Variants in OPCML observed in about 807,000 individuals in gnomAD.
OPCML encodes the protein opioid-binding protein/cell adhesion molecule.
OPCML carries 13 observed loss-of-function variants against 37.8 expected under a neutral mutation model. The observed-to-expected ratio is 0.34, with a 90% CI of 0.22 to 0.55. The LOEUF (loss-of-function observed/expected upper bound fraction) is 0.55, where lower values mean the gene tolerates loss of function less well. Among genes scored for constraint, OPCML ranks in the 20% least tolerant of loss-of-function variants. The pLI is 0.91. For missense variants in OPCML, 341 were observed against 435.6 expected (o/e 0.78, Z 1.93); for synonymous variants, 176 against 168.8 (o/e 1.04, Z -0.33).
At chr11:132,603,216 G>A (rs567443028) in intron 3 of OPCML, among the ~76,000 whole-genome samples, 1 of 152,118 alleles carries the variant, frequency 6.6e-6, no homozygotes, top group African/African-American at 2.4e-5. Context: ...TCACATGTCT[G>A]CCAGTGATCT....
intron 1 of OPCML, among the ~76,000 whole-genome samples, chr11:133,457,215 G>A (rs1339182117): frequency 6.6e-6 from 1 of 152,088 alleles, no homozygotes; most frequent in Non-Finnish European, 1.5e-5. Flanking sequence ...TATTTAAGAT[G>A]CTAAACGTTT....
intron 2 of OPCML, among the ~76,000 whole-genome samples, chr11:132,913,187 T>A (rs922562434): frequency 1.5e-4 from 23 of 152,380 alleles, no homozygotes; most frequent in African/African-American, 5.5e-4. Flanking sequence ...GGCAACATTA[T>A]GAGATTTTAT....
intron 2 of OPCML, among the ~76,000 whole-genome samples, chr11:132,667,495 C>A (rs1199240871): frequency 1.3e-5 from 2 of 152,128 alleles, no homozygotes; most frequent in African/African-American, 2.4e-5. Flanking sequence ...TGAGAATGAT[C>A]TTATCAATGG....
chr11:133,388,109 G>A (rs1006314259), intron 1 of OPCML, among the ~76,000 whole-genome samples: 4 of 152,126 alleles, frequency 2.6e-5, no homozygotes, highest in Non-Finnish European at 5.9e-5. Context: ...CCCTTAGAGG[G>A]CCGCTGCCAG....
chr11:133,133,960 G>A (rs1410992892), intron 1 of OPCML, among the ~76,000 whole-genome samples: 1 of 152,120 alleles, frequency 6.6e-6, no homozygotes, highest in Non-Finnish European at 1.5e-5. Context: ...ACGGGACAAA[G>A]CACCTTACTA....
intron 2 of OPCML, among the ~76,000 whole-genome samples, chr11:132,922,485 G>C (rs1475731104): frequency 6.6e-6 from 1 of 151,982 alleles, no homozygotes; most frequent in Non-Finnish European, 1.5e-5. Flanking sequence ...GCGGGAAGAC[G>C]GAGCACCGAG....
chr11:132,580,789 G>A (rs10894587), intron 3 of OPCML, among the ~76,000 whole-genome samples: 27 of 152,032 alleles, frequency 1.8e-4, no homozygotes, highest in African/African-American at 5.5e-4. Context: ...AGTTAAACAT[G>A]GTCCTTGTAT....
rs761928819 is a variant in OPCML at position 133,211,140 on chromosome 11, A to C, written c.62-268130T>G. On this transcript the variant is annotated intron_variant, in intron 1 of 7. Coordinates refer to ENST00000524381, the MANE Select transcript of OPCML (RefSeq NM_001012393.5). This position sits in a 1 kb window ranked among gnomAD's most constrained non-coding sequence, Gnocchi z 4.1. ...GCTTTCTAATCATTCGTGATTGATGAGCCTGCCAGAAGGAATCAAATATTT... is the reference window on the plus strand; with the variant it reads ...GCTTTCTAATCATTCGTGATTGATGCGCCTGCCAGAAGGAATCAAATATTT... Among the ~76,000 whole-genome samples, 3 of 152,208 alleles carry C rather than the reference A, an allele frequency of 2.0e-5. No individual in the cohort carries two copies. Among genetic ancestry groups the C allele is most frequent in the Non-Finnish European group, 4.4e-5 (3 of 68,044 alleles).
intron 3 of OPCML, among the ~76,000 whole-genome samples, chr11:132,615,554 A>G (rs1938955086): frequency 6.6e-6 from 1 of 152,228 alleles, no homozygotes; most frequent in Non-Finnish European, 1.5e-5. Context: ...AAACTACAGC[A>G]TAACAACTAT....
chr11:133,322,385 C>A (rs1401748512), intron 1 of OPCML, among the ~76,000 whole-genome samples: 1 of 152,158 alleles, frequency 6.6e-6, no homozygotes, highest in Non-Finnish European at 1.5e-5. Context: ...TGTTTTAATG[C>A]CATTTTTCAG....
chr11:132,931,161 A>C (rs866573964), intron 2 of OPCML, among the ~76,000 whole-genome samples: 4 of 151,940 alleles, frequency 2.6e-5, no homozygotes, highest in East Asian at 3.9e-4. Context: ...CAAAAAAAAA[A>C]CCCTCAAAAT....
rs1946396380 is a variant in OPCML at position 133,443,027 on chromosome 11, C to CAAT, written c.61+89234_61+89236dup. Among the ~76,000 whole-genome samples, 4 of 152,004 alleles carry CAAT rather than the reference C, an allele frequency of 2.6e-5. No homozygotes were observed. The South Asian group carries it at 8.3e-4, about 32-fold the overall frequency. ...TCATGTAATATTTGTGAAATGAAAA[C>CAAT]AATAATAATAAAAGAAAGATACAAA... On this transcript the variant is annotated intron_variant, in intron 1 of 7. Coordinates refer to ENST00000524381, the MANE Select transcript of OPCML (RefSeq NM_001012393.5).
Position 133,532,356 on chromosome 11 carries a change from T to G in OPCML, c.-32A>C. 6.2e-7 allele frequency: 1 copy of G among 1,608,418 alleles called. No homozygotes were observed. Among genetic ancestry groups the G allele is most frequent in the South Asian group, 1.1e-5 (1 of 89,920 alleles). On this transcript the variant is annotated 5_prime_UTR_variant, in exon 1 of 8. Coordinates refer to ENST00000524381, the MANE Select transcript of OPCML (RefSeq NM_001012393.5). ...GCTGCGGTGCTCTCAGCTGCCGGGC[T>G]TGCTACTGCTTCTGCTGCTGCTACC...
intron 1 of OPCML, among the ~76,000 whole-genome samples, chr11:132,961,981 G>A (rs766579287): frequency 7.9e-5 from 12 of 152,118 alleles, no homozygotes; most frequent in East Asian, 1.9e-4. Flanking sequence ...TCTATCCTCC[G>A]TACTGTAATC....
chr11:132,520,711 T>C (rs1318155519), intron 4 of OPCML, among the ~76,000 whole-genome samples: 1 of 151,670 alleles, frequency 6.6e-6, no homozygotes, highest in Admixed American at 6.6e-5. Context: ...TGTATGCATA[T>C]AGTATTATAT....
chr11:132,786,698 T>A (rs906657933), intron 2 of OPCML, among the ~76,000 whole-genome samples: 1 of 150,770 alleles, frequency 6.6e-6, no homozygotes, highest in Non-Finnish European at 1.5e-5. Context: ...TGTAGGTGTT[T>A]AAAAAAAAAA....
chr11:132,941,244 G>C (rs1430347980), intron 2 of OPCML, among the ~76,000 whole-genome samples: 1 of 152,170 alleles, frequency 6.6e-6, no homozygotes, highest in Non-Finnish European at 1.5e-5. Context: ...TCTGCTGGTG[G>C]AATAGTCTTA....
intron 1 of OPCML, among the ~76,000 whole-genome samples, chr11:133,445,569 T>C (rs1345364527): frequency 6.6e-6 from 1 of 152,222 alleles, no homozygotes; most frequent in African/African-American, 2.4e-5. Context: ...TGTTGCTGTT[T>C]CCACACCTTG....
In OPCML at chr11:133,408,904, A is replaced by G. The variant is rs190061187; in HGVS notation, c.61+123360T>C. On this transcript the variant is annotated intron_variant, in intron 1 of 7. Coordinates refer to ENST00000524381, the MANE Select transcript of OPCML (RefSeq NM_001012393.5). ...TCTGGGGATTAGACACTTTAGTTCAATCGTCTCTCTTACAATTGAATAAGC... is the reference window on the plus strand; with the variant it reads ...TCTGGGGATTAGACACTTTAGTTCAGTCGTCTCTCTTACAATTGAATAAGC... 9.3e-4 allele frequency among the ~76,000 whole-genome samples: 141 copies of G among 152,352 alleles called. 2 individuals are homozygous for G. Among genetic ancestry groups the G allele is most frequent in the South Asian group, 4.6e-3 (22 of 4,824 alleles).
Sources: gnomAD v4.1 joint callset for allele counts (sites outside exome capture counted in the v4.1 genomes callset) on GRCh38, gnomAD v4.1.1 for gene constraint, Gnocchi (gnomAD v3.1) non-coding constraint, MANE v1.5 for transcripts, NCBI Gene and HGNC (gene_info 2026-07-23, HGNC 2026-07-21) for gene names.